UCHL3: variants seen among roughly 807,000 people sequenced by gnomAD.
The protein encoded by UCHL3 is ubiquitin C-terminal hydrolase L3, also known as ubiquitin carboxyl-terminal hydrolase isozyme L3.
Under a neutral mutation model 35.8 loss-of-function variants are expected in UCHL3, and 22 were observed. The ratio of observed to expected loss-of-function variants is 0.61; its 90% CI spans 0.44 to 0.88. The LOEUF is 0.88. UCHL3 is among the 40% of genes least tolerant of loss of function. The probability of loss-of-function intolerance (pLI) is 0.00; values close to 1 mark genes in which losing one functional copy is unlikely to be tolerated. For missense variants in UCHL3, 229 were observed against 276.9 expected (o/e 0.83, Z 1.23); for synonymous variants, 90 against 92.8 (o/e 0.97, Z 0.17).
chr13:75,590,260 A>G (rs2032446991), intron 6 of UCHL3: 1 of 1,185,792 alleles, frequency 8.4e-7, no homozygotes, highest in East Asian at 5.8e-5. Context: ...CTCCCCCAAT[A>G]AGATTGCAAG....
intron 2 of UCHL3, among the ~76,000 whole-genome samples, chr13:75,556,014 G>C (rs937815284): frequency 6.6e-6 from 1 of 152,134 alleles, no homozygotes; most frequent in Admixed American, 6.5e-5. Context: ...TTATCATACT[G>C]GTCACCTGCC....
At chr13:75,554,750 T>A (rs1308128007) in intron 2 of UCHL3, among the ~76,000 whole-genome samples, 1 of 111,244 alleles carries the variant, frequency 9.0e-6, no homozygotes, top group Non-Finnish European at 2.2e-5. Context: ...TACTTGAAAC[T>A]TTTTTGTTTT....
intron 6 of UCHL3, among the ~76,000 whole-genome samples, chr13:75,580,133 C>T (rs2032138686): frequency 6.6e-6 from 1 of 152,056 alleles, no homozygotes; most frequent in African/African-American, 2.4e-5. Flanking sequence ...TACCATTATC[C>T]AGATTTTCCA....
chr13:75,562,535 G>GA (rs199942114), intron 3 of UCHL3, among the ~76,000 whole-genome samples: 19 of 150,736 alleles, frequency 1.3e-4, no homozygotes, highest in African/African-American at 3.2e-4. Context: ...GTAAATAATT[G>GA]AAAAAAAAAT....
chr13:75,592,435 T>TACATATAC (rs749370546), intron 6 of UCHL3, among the ~76,000 whole-genome samples: 2 of 98,760 alleles, frequency 2.0e-5, no homozygotes, highest in African/African-American at 8.1e-5. Context: ...TATATATATA[T>TACATATAC]ATATATATAT....
chr13:75,569,603 G>A (rs1361329672), intron 6 of UCHL3, 96 bp downstream of exon 6: 2 of 1,140,776 alleles, frequency 1.8e-6, no homozygotes, highest in Admixed American at 2.9e-5. Context: ...AGGACATAAA[G>A]TTTTAGAAAG....
At chr13:75,559,911 C>T (rs749893054) in intron 2 of UCHL3, among the ~76,000 whole-genome samples, 1 of 152,122 alleles carries the variant, frequency 6.6e-6, no homozygotes, top group Non-Finnish European at 1.5e-5. Flanking sequence ...ATGACATTCT[C>T]ATTTTTTCTC....
intron 6 of UCHL3, among the ~76,000 whole-genome samples, chr13:75,581,970 C>G (rs964845253): frequency 1.3e-5 from 2 of 152,062 alleles, no homozygotes; most frequent in Admixed American, 6.6e-5. Flanking sequence ...TAGATGTGCC[C>G]TTATGAATCA....
At chr13:75,550,235 G>A (rs912770333) in intron 2 of UCHL3, among the ~76,000 whole-genome samples, 2 of 152,144 alleles carry the variant, frequency 1.3e-5, no homozygotes, top group African/African-American at 4.8e-5. Context: ...GGGGACTCCG[G>A]GTCTGAGGTT....
At chr13:75,564,708 T>G (rs1326512299) in intron 3 of UCHL3, among the ~76,000 whole-genome samples, 5 of 152,106 alleles carry the variant, frequency 3.3e-5, no homozygotes, top group African/African-American at 1.2e-4. Context: ...TGTTATCATT[T>G]GTTTTGAGAC....
intron 6 of UCHL3, among the ~76,000 whole-genome samples, chr13:75,578,437 T>C (rs2032087417): frequency 1.3e-5 from 2 of 152,148 alleles, no homozygotes; most frequent in South Asian, 4.1e-4. Flanking sequence ...TTTCTTTCAT[T>C]TGTTCAATCA....
At chr13:75,565,174 AT>A (rs2031644595) in intron 3 of UCHL3, among the ~76,000 whole-genome samples, 1 of 151,578 alleles carries the variant, frequency 6.6e-6, no homozygotes, top group Non-Finnish European at 1.5e-5. Context: ...CATTTTAGGA[AT>A]TTTTCCTACA....
intron 2 of UCHL3, among the ~76,000 whole-genome samples, chr13:75,553,526 T>G (rs1223501959): frequency 6.6e-6 from 1 of 152,238 alleles, no homozygotes; most frequent in Non-Finnish European, 1.5e-5. Context: ...TTTTCCTAAT[T>G]GCTTCGAAGA....
intron 2 of UCHL3, among the ~76,000 whole-genome samples, chr13:75,555,345 A>T (rs2031256978): frequency 6.6e-6 from 1 of 152,174 alleles, no homozygotes; most frequent in African/African-American, 2.4e-5. Flanking sequence ...TTGTGAAATT[A>T]TCTTGTTTAT....
At chr13:75,574,051 A>G (rs2031946688) in intron 6 of UCHL3, among the ~76,000 whole-genome samples, 1 of 152,136 alleles carries the variant, frequency 6.6e-6, no homozygotes, top group African/African-American at 2.4e-5. Context: ...CCCCGTATCT[A>G]CTAAAAATAC....
At chr13:75,590,732 C>T (rs979518327) in intron 6 of UCHL3, among the ~76,000 whole-genome samples, 1 of 152,048 alleles carries the variant, frequency 6.6e-6, no homozygotes, top group Non-Finnish European at 1.5e-5. Context: ...AAGATCTTTT[C>T]CAAGTAGGAA....
intron 8 of UCHL3, among the ~76,000 whole-genome samples, 175 bp from the exon 9 acceptor site, chr13:75,605,554 T>C (rs2032917484): frequency 6.6e-6 from 1 of 152,180 alleles, no homozygotes; most frequent in Non-Finnish European, 1.5e-5. Context: ...CTTATACTTT[T>C]GTACAAAGCA....
intron 4 of UCHL3, 73 bp downstream of exon 4, chr13:75,566,924 C>T (rs1311928206): frequency 6.3e-5 from 92 of 1,455,534 alleles, no homozygotes; most frequent in Middle Eastern, 1.8e-4. Context: ...GTAGGTGGTG[C>T]TCTAATTCTT....
chr13:75,585,414 C>T (rs2032296248), intron 6 of UCHL3, among the ~76,000 whole-genome samples: 1 of 152,086 alleles, frequency 6.6e-6, no homozygotes, highest in Non-Finnish European at 1.5e-5. Context: ...TTTTAGAAAG[C>T]TGAGTTCAGT....
Sources: gnomAD v4.1 joint callset for allele counts (sites outside exome capture counted in the v4.1 genomes callset) on GRCh38, gnomAD v4.1.1 for gene constraint, MANE v1.5 for transcripts, NCBI Gene and HGNC (gene_info 2026-07-23, HGNC 2026-07-21) for gene names.